The following EYA4 variants were observed in gnomAD, a reference collection of about 807,000 sequenced individuals.
The protein encoded by EYA4 is EYA transcriptional coactivator and phosphatase 4, also known as protein phosphatase EYA4.
Under a neutral mutation model 87.9 loss-of-function variants are expected in EYA4, and 31 were observed. That is an observed-to-expected ratio of 0.35 (90% CI 0.27 to 0.48). The LOEUF (loss-of-function observed/expected upper bound fraction) is 0.48, where lower values mean the gene tolerates loss of function less well. Ranked by LOEUF, EYA4 falls within the 20% of genes least tolerant of loss-of-function variation. EYA4 has a pLI of 0.99. For missense variants in EYA4, 678 were observed against 761.4 expected, an observed-to-expected ratio of 0.89 and a Z score of 1.29; for synonymous variants, 263 against 270.6, an observed-to-expected ratio of 0.97 and a Z score of 0.28.
At chr6:133,273,841 G>A (rs1008281674) in intron 1 of EYA4, among the ~76,000 whole-genome samples, 1 of 152,058 alleles carries the variant, frequency 6.6e-6, no homozygotes, top group African/African-American at 2.4e-5. Flanking sequence ...TCAGCCCATT[G>A]TGTTTGGTAT....
intron 6 of EYA4, among the ~76,000 whole-genome samples, chr6:133,458,946 A>G (rs917011825): frequency 3.3e-5 from 5 of 152,168 alleles, no homozygotes; most frequent in Admixed American, 6.6e-5. Flanking sequence ...GGTAATGTTT[A>G]TGATTAATCA....
At chr6:133,369,671 A>G (rs1205444236) in intron 2 of EYA4, among the ~76,000 whole-genome samples, 6 of 152,228 alleles carry the variant, frequency 3.9e-5, no homozygotes, top group Admixed American at 3.9e-4. Flanking sequence ...GGAACTTTAA[A>G]TGAATACCAT....
At chr6:133,447,801 A>G (rs1222155371) in intron 4 of EYA4, among the ~76,000 whole-genome samples, 1 of 152,206 alleles carries the variant, frequency 6.6e-6, no homozygotes, top group Admixed American at 6.5e-5. Flanking sequence ...CTAATTAATT[A>G]TGCAATTGCA....
chr6:133,343,528 C>G (rs1782958695), intron 2 of EYA4, among the ~76,000 whole-genome samples: 1 of 151,076 alleles, frequency 6.6e-6, no homozygotes, highest in South Asian at 2.1e-4. Flanking sequence ...CTCCCCCTAG[C>G]TCAACAATAC....
chr6:133,527,380 T>C lies in EYA4; in HGVS notation c.1840-1345T>C, dbSNP rs536120658. On this transcript the variant is annotated intron_variant, in intron 19 of 19. Coordinates refer to ENST00000355286, the MANE Select transcript of EYA4 (RefSeq NM_004100.5). Reference sequence around the variant, plus strand: ...AAGAAGAAATATCAAAGTTTAGGAATAGGAATGTCTAGCTGCGCTCTTCCA... The same window carrying C: ...AAGAAGAAATATCAAAGTTTAGGAACAGGAATGTCTAGCTGCGCTCTTCCA... Among the ~76,000 whole-genome samples, 4 of 152,324 alleles carry C rather than the reference T, an allele frequency of 2.6e-5. No homozygotes were observed. The South Asian group carries it at 8.3e-4, about 32-fold the overall frequency.
At chr6:133,333,074 T>C (rs139811075) in intron 2 of EYA4, among the ~76,000 whole-genome samples, 2 of 152,286 alleles carry the variant, frequency 1.3e-5, no homozygotes, top group African/African-American at 4.8e-5. Context: ...TAAATTATTT[T>C]AGACCTACCA....
rs111932967 is a variant in EYA4, at chr6:133,273,025, C to T, written c.-65-1691C>T. Among the ~76,000 whole-genome samples the T allele has an allele frequency of 2.1e-3, 315 of 150,414 alleles. 2 individuals carry two copies. The highest frequency in any genetic ancestry group is 7.3e-3 in the African/African-American group (296 of 40,656). ...GCACCCGATGCTGATGCTCATTAGA[C>T]ACCCCACTCTTGTTACCAAAATCTG... On this transcript the variant is annotated intron_variant, in intron 1 of 19. Transcript: ENST00000355286.
chr6:133,382,777 T>A (rs1562355245), intron 3 of EYA4, among the ~76,000 whole-genome samples: 2 of 145,072 alleles, frequency 1.4e-5, no homozygotes, highest in Admixed American at 1.4e-4. Flanking sequence ...ACTGAATAAC[T>A]GTCAAATCTG....
intron 1 of EYA4, chr6:133,247,535 A>G (rs150645283): frequency 3.9e-5 from 6 of 152,312 alleles, no homozygotes; most frequent in African/African-American, 1.2e-4. Flanking sequence ...AGCTGCCCAT[A>G]TTTTGGAAAT....
intron 1 of EYA4, among the ~76,000 whole-genome samples, chr6:133,257,329 A>G (rs1419658555): frequency 1.3e-5 from 2 of 152,148 alleles, no homozygotes; most frequent in Non-Finnish European, 2.9e-5. Flanking sequence ...CTGGAAAAAC[A>G]AAACAACTCT....
rs116962313 is a variant in EYA4, at chr6:133,374,708, G to A, written c.34-7684G>A. ...ACGGTTTTGGTTTTGCCAGGGAGAA[G>A]CTTGGTTAAGGAATGATAAAGAGGT... On this transcript the variant is annotated intron_variant, in intron 2 of 19. Coordinates refer to ENST00000355286, the MANE Select transcript of EYA4 (RefSeq NM_004100.5). 9.0e-3 allele frequency among the ~76,000 whole-genome samples: 1,373 copies of A among 152,008 alleles called. 9 individuals carry two copies. The highest frequency in any genetic ancestry group is 0.014 in the Middle Eastern group (4 of 294).
intron 13 of EYA4, 99 bp downstream of exon 13, chr6:133,483,214 A>G: frequency 1.2e-6 from 1 of 843,530 alleles, no homozygotes; most frequent in South Asian, 1.5e-5. Flanking sequence ...GTGTTTTTTT[A>G]TTGCAGTCTG....
At chr6:133,414,685 C>T (rs988501722) in intron 3 of EYA4, among the ~76,000 whole-genome samples, 1 of 152,178 alleles carries the variant, frequency 6.6e-6, no homozygotes, top group Non-Finnish European at 1.5e-5. Flanking sequence ...TAGGGCTCAC[C>T]AGATTTGTTT....
intron 1 of EYA4, among the ~76,000 whole-genome samples, chr6:133,254,448 T>C (rs769143958): frequency 6.6e-6 from 1 of 152,026 alleles, no homozygotes; most frequent in Non-Finnish European, 1.5e-5. Flanking sequence ...TCAGGCACAA[T>C]TGAGGAAGTA....
intron 2 of EYA4, among the ~76,000 whole-genome samples, chr6:133,342,985 T>C (rs752583464): frequency 3.0e-4 from 45 of 152,138 alleles, no homozygotes; most frequent in Admixed American, 7.2e-4. Context: ...ATTTTCTAAT[T>C]TATAGAGACG....
At chr6:133,425,519 T>G (rs189040103) in intron 3 of EYA4, among the ~76,000 whole-genome samples, 1 of 150,828 alleles carries the variant, frequency 6.6e-6, no homozygotes, top group Admixed American at 6.6e-5. Flanking sequence ...TCACTCATCT[T>G]TCACTGAAAA....
intron 4 of EYA4, 74 bp downstream of exon 4, chr6:133,446,828 C>T: frequency 1.5e-6 from 2 of 1,301,636 alleles, no homozygotes; most frequent in Non-Finnish European, 2.2e-6. Flanking sequence ...TAGAGATCTG[C>T]TAATAAATAA....
chr6:133,371,726 G>T (rs1443300861), intron 2 of EYA4, among the ~76,000 whole-genome samples: 1 of 152,118 alleles, frequency 6.6e-6, no homozygotes, highest in Non-Finnish European at 1.5e-5. Flanking sequence ...GAGTCCAGGG[G>T]TGGCACACAT....
At chr6:133,487,839 T>C (rs1227630007) in intron 13 of EYA4, among the ~76,000 whole-genome samples, 1 of 152,090 alleles carries the variant, frequency 6.6e-6, no homozygotes, top group Non-Finnish European at 1.5e-5. Context: ...CTCCTTTTAC[T>C]TGAGAAAAGG....
Sources: allele counts gnomAD v4.1 joint callset (sites outside exome capture counted in the v4.1 genomes callset), GRCh38; gene constraint gnomAD v4.1.1; transcripts MANE v1.5; gene names NCBI Gene and HGNC (gene_info 2026-07-23, HGNC 2026-07-21).